TMEM158: variants seen among roughly 807,000 people sequenced by gnomAD.
TMEM158 encodes the protein 40 kDa BINP-binding protein.
In TMEM158, 7 loss-of-function variants were observed where a neutral mutation model predicts 12.0. That is an observed-to-expected ratio of 0.59 (90% CI 0.33 to 1.10). The LOEUF (loss-of-function observed/expected upper bound fraction) is 1.10, where lower values mean the gene tolerates loss of function less well. Among genes scored for constraint, TMEM158 ranks in the 50% least tolerant of loss-of-function variants. The pLI is 0.03. For missense variants in TMEM158, 405 were observed against 454.7 expected (o/e 0.89, Z 0.99); for synonymous variants, 209 against 231.1 (o/e 0.90, Z 0.87).
chr3:45,225,477 G>T lies in TMEM158; in HGVS notation c.551C>A (p.Pro184Gln). ...TALPAYPAAEPPGPLWLQGEP... is the reference protein window; with the variant it reads ...TALPAYPAAEQPGPLWLQGEP... Reference sequence around the variant, plus strand: ...GCCCTGCAGCCACAGCGGCCCGGGCGGCTCGGCCGCGGGGTAGGCTGGCAG... The same window carrying T: ...GCCCTGCAGCCACAGCGGCCCGGGCTGCTCGGCCGCGGGGTAGGCTGGCAG... Residue 184 changes from proline (P) to glutamine (Q), a missense_variant, in exon 1 of 1, where the codon CCG becomes CAG. Coordinates refer to ENST00000503771, the MANE Select transcript of TMEM158 (RefSeq NM_015444.3). The surrounding 1 kb of genome is among the most constrained non-coding windows in gnomAD (Gnocchi z 5.7). The T allele has an allele frequency of 6.2e-6, 8 of 1,286,332 alleles. No homozygotes were observed. The highest frequency in any genetic ancestry group is 8.0e-6 in the Non-Finnish European group (8 of 998,656). 79.7% of individuals were successfully genotyped at this position (1,286,332 alleles called of 1,614,324 possible). A position where few individuals can be genotyped will look rare whatever the true frequency, so the allele number is the denominator to read the frequency against.
In TMEM158 at chr3:45,225,689, G is replaced by A. The variant is rs761740655; in HGVS notation, c.339C>T (p.Phe113=). 6.2e-6 allele frequency: 9 copies of A among 1,460,462 alleles called. No homozygotes were observed. The highest frequency in any genetic ancestry group is 5.1e-5 in the South Asian group (4 of 78,054). The allele number at this position is 1,460,462 out of a possible 1,614,324, so 90.5% of individuals were successfully genotyped here. A position where few individuals can be genotyped will look rare whatever the true frequency, so the allele number is the denominator to read the frequency against. ...GCCCGACGCGGTGGAAGGCGGCGGC[G>A]AAGAAAGCGCGGCCGTGCGCGTTGG... is the stretch of plus-strand genomic sequence containing the variant. ...FSTNAHGRAF[F]AAAFHRVGPP... The change falls in exon 1 of 1, where the codon TTC becomes TTT. Residue 113 remains phenylalanine, a synonymous_variant. Transcript: ENST00000503771. This position sits in a 1 kb window ranked among gnomAD's most constrained non-coding sequence, Gnocchi z 5.7.
Position 45,226,240 on chromosome 3 carries a change from T to G in TMEM158, c.-213A>C. ...CCTCCAGACCCGGTTGCGTTTGGGG[T>G]TCCCCGCCGCCCCCGGCGCCGGGGC... On this transcript the variant is annotated 5_prime_UTR_variant, in exon 1 of 1. Coordinates refer to ENST00000503771, the MANE Select transcript of TMEM158 (RefSeq NM_015444.3). 11 of 454,518 alleles carry G rather than the reference T, an allele frequency of 2.4e-5. No individual in the cohort carries two copies. The highest frequency in any genetic ancestry group is 4.3e-5 in the African/African-American group (2 of 46,508). The allele number at this position is 454,518 out of a possible 1,614,324, so 28.2% of individuals were successfully genotyped here. A position where few individuals can be genotyped will look rare whatever the true frequency, so the allele number is the denominator to read the frequency against.
In TMEM158 at chr3:45,225,847, G is replaced by T; in HGVS notation, c.181C>A (p.Arg61Ser). Residue 61 changes from arginine (R) to serine (S), a missense_variant, in exon 1 of 1, where the codon CGC becomes AGC. Transcript: ENST00000503771. The surrounding 1 kb of genome is among the most constrained non-coding windows in gnomAD (Gnocchi z 5.7). Reference protein sequence around the residue: ...LASAAPGPPERPGPEEAAAAA... With the variant: ...LASAAPGPPESPGPEEAAAAA... The stretch of plus-strand genomic sequence containing the variant: ...GCCGCCGCCTCCTCCGGGCCCGGGC[G>T]CTCGGGGGGCCCGGGGGCCGCCGAG... 1 of 1,243,360 alleles carries T rather than the reference G, an allele frequency of 8.0e-7. No individual in the cohort carries two copies. 77.0% of individuals were successfully genotyped at this position (1,243,360 alleles called of 1,614,324 possible). A position where few individuals can be genotyped will look rare whatever the true frequency, so the allele number is the denominator to read the frequency against.
chr3:45,225,891 A>T lies in TMEM158; in HGVS notation c.137T>A (p.Ile46Asn). 1 of 1,187,188 alleles carries T rather than the reference A, an allele frequency of 8.4e-7. No individual in the cohort carries two copies. The highest frequency in any genetic ancestry group is 1.0e-6 in the Non-Finnish European group (1 of 963,518). 73.5% of individuals were successfully genotyped at this position (1,187,188 alleles called of 1,614,324 possible). The change falls in exon 1 of 1, where the codon ATC becomes AAC. Residue 46 changes from isoleucine to asparagine, a missense_variant. Physicochemically the swap from Ile to Asn is moderately radical, Grantham distance 149. Transcript: ENST00000503771. This position sits in a 1 kb window ranked among gnomAD's most constrained non-coding sequence, Gnocchi z 5.7. ...CGCCGAGGCCAGCAGCCGCGGGGCG[A>T]TGGGCTCGTCCGCGGAGGACGCGTT... ...SVNASSADEPIAPRLLASAAP... is the reference protein window; with the variant it reads ...SVNASSADEPNAPRLLASAAP...
At position 45,224,731 on chromosome 3, in the gene TMEM158, AT is replaced by A. The variant is rs558554175; in HGVS notation, c.*393del. Reference sequence around the variant, plus strand: ...TAGCAATTTAATCTTTTTGTTTTGTATTTTTTTTACTAAAACTTTCATTTAA... The same window carrying A: ...TAGCAATTTAATCTTTTTGTTTTGTATTTTTTTACTAAAACTTTCATTTAA... On this transcript the variant is annotated 3_prime_UTR_variant, in exon 1 of 1. Coordinates refer to ENST00000503771, the MANE Select transcript of TMEM158 (RefSeq NM_015444.3). 18 of 168,042 alleles carry A rather than the reference AT, an allele frequency of 1.1e-4. No individual in the cohort carries two copies. The highest frequency in any genetic ancestry group is 1.7e-4 in the East Asian group (1 of 5,954). The allele number at this position is 168,042 out of a possible 1,614,324, so 10.4% of individuals were successfully genotyped here.
In TMEM158 at chr3:45,225,206, G is replaced by A. The variant is rs1205382605; in HGVS notation, c.822C>T (p.Pro274=). 1.5e-6 allele frequency: 2 copies of A among 1,291,054 alleles called. No homozygotes were observed. Among genetic ancestry groups the A allele is most frequent in the Admixed American group, 3.5e-5 (1 of 28,634 alleles). The allele number at this position is 1,291,054 out of a possible 1,614,324, so 80.0% of individuals were successfully genotyped here. The change falls in exon 1 of 1, where the codon CCC becomes CCT. Residue 274 remains proline (P), a synonymous_variant. Transcript: ENST00000503771. The surrounding 1 kb of genome is among the most constrained non-coding windows in gnomAD (Gnocchi z 5.7). ...STTAATPAAV[P]AGTTAAAAAA... ...CGGCGGCGGCTGCGGTGGTCCCTGC[G>A]GGCACTGCGGCGGGGGTGGCTGCGG...
In TMEM158 at chr3:45,225,923, A is replaced by C. The variant is rs1700155395; in HGVS notation, c.105T>G (p.Ala35=). Residue 35 remains alanine (A), a synonymous_variant, in exon 1 of 1, where the codon GCT becomes GCG. Coordinates refer to ENST00000503771, the MANE Select transcript of TMEM158 (RefSeq NM_015444.3). This position sits in a 1 kb window ranked among gnomAD's most constrained non-coding sequence, Gnocchi z 5.7. The stretch of plus-strand genomic sequence containing the variant: ...CGTCCGCGGAGGACGCGTTGACTGA[A>C]GCATTGGAGGGCACCCCGAGGAGGC... The part of the protein sequence containing the change: ...APGLLGVPSN[A]SVNASSADEP... The C allele has an allele frequency of 1.7e-6, 2 of 1,170,544 alleles. No individual in the cohort carries two copies. Among genetic ancestry groups the C allele is most frequent in the African/African-American group, 3.3e-5 (2 of 59,866 alleles). The allele number at this position is 1,170,544 out of a possible 1,614,324, so 72.5% of individuals were successfully genotyped here. A position where few individuals can be genotyped will look rare whatever the true frequency, so the allele number is the denominator to read the frequency against.
Position 45,225,636 on chromosome 3 carries a change from A to C in TMEM158, c.392T>G (p.Leu131Arg). Residue 131 changes from leucine (L) to arginine (R), a missense_variant, in exon 1 of 1, where the codon CTG becomes CGG. Leu to Arg is a moderately radical substitution (Grantham distance 102, BLOSUM62 -2). Transcript: ENST00000503771. The surrounding 1 kb of genome is among the most constrained non-coding windows in gnomAD (Gnocchi z 5.7). Reference protein sequence around the residue: ...GPPLLIEHLGLAAGGAQQDLR... With the variant: ...GPPLLIEHLGRAAGGAQQDLR... ...GTCCTGCTGCGCGCCGCCCGCCGCC[A>C]GCCCCAGGTGCTCGATGAGCAGCGG... 7.1e-7 allele frequency: 1 copy of C among 1,415,376 alleles called. No homozygotes were observed. Among genetic ancestry groups the C allele is most frequent in the South Asian group, 1.3e-5 (1 of 74,206 alleles). The allele number at this position is 1,415,376 out of a possible 1,614,324, so 87.7% of individuals were successfully genotyped here. A position where few individuals can be genotyped will look rare whatever the true frequency, so the allele number is the denominator to read the frequency against.
Position 45,225,508 on chromosome 3 carries a change from T to C in TMEM158, c.520A>G (p.Thr174Ala). ...GCCGCGGGGTAGGCTGGCAGCGCGG[T>C]GGGCGCCCCGGCGGTGGCGGCGGCG... ...SAAAATAGAP[T>A]ALPAYPAAEP... Residue 174 changes from threonine (T) to alanine (A), a missense_variant, in exon 1 of 1, where the codon ACC becomes GCC. Coordinates refer to ENST00000503771, the MANE Select transcript of TMEM158 (RefSeq NM_015444.3). This position sits in a 1 kb window ranked among gnomAD's most constrained non-coding sequence, Gnocchi z 5.7. 1.7e-6 allele frequency: 2 copies of C among 1,163,524 alleles called. No homozygotes were observed. Among genetic ancestry groups the C allele is most frequent in the South Asian group, 8.5e-5 (2 of 23,546 alleles). The allele number at this position is 1,163,524 out of a possible 1,614,324, so 72.1% of individuals were successfully genotyped here.
In TMEM158 at chr3:45,225,452, G is replaced by A. The variant is rs998957305; in HGVS notation, c.576C>T (p.Gly192=). ...CTAGGCAGCAGAAATGCAGCGGCTC[G>A]CCCTGCAGCCACAGCGGCCCGGGCG... The part of the protein sequence containing the change: ...AEPPGPLWLQ[G]EPLHFCCLDF... Residue 192 remains glycine, a synonymous_variant, in exon 1 of 1, where the codon GGC becomes GGT. Coordinates refer to ENST00000503771, the MANE Select transcript of TMEM158 (RefSeq NM_015444.3). The surrounding 1 kb of genome is among the most constrained non-coding windows in gnomAD (Gnocchi z 5.7). 2 of 1,362,652 alleles carry A rather than the reference G, an allele frequency of 1.5e-6. No homozygotes were observed. The highest frequency in any genetic ancestry group is 1.8e-5 in the South Asian group (1 of 55,324). 84.4% of individuals were successfully genotyped at this position (1,362,652 alleles called of 1,614,324 possible). A position where few individuals can be genotyped will look rare whatever the true frequency, so the allele number is the denominator to read the frequency against.
rs1476564369 is a variant in TMEM158, at chr3:45,226,049, C to T, written c.-22G>A. 1 of 987,094 alleles carries T rather than the reference C, an allele frequency of 1.0e-6. No individual in the cohort carries two copies. The highest frequency in any genetic ancestry group is 1.2e-6 in the Non-Finnish European group (1 of 832,638). 61.1% of individuals were successfully genotyped at this position (987,094 alleles called of 1,614,324 possible). A position where few individuals can be genotyped will look rare whatever the true frequency, so the allele number is the denominator to read the frequency against. The stretch of plus-strand genomic sequence containing the variant: ...GCATGGCCTGCGGCGGGCGCCTACG[C>T]GCGCGAGGCCGGCGGCGGTTGCATG... On this transcript the variant is annotated 5_prime_UTR_variant, in exon 1 of 1. Coordinates refer to ENST00000503771, the MANE Select transcript of TMEM158 (RefSeq NM_015444.3).
At position 45,225,579 on chromosome 3, in the gene TMEM158, C is replaced by G; in HGVS notation, c.449G>C (p.Arg150Pro). 8.7e-7 allele frequency: 1 copy of G among 1,151,602 alleles called. No individual in the cohort carries two copies. Among genetic ancestry groups the G allele is most frequent in the Non-Finnish European group, 1.1e-6 (1 of 938,372 alleles). 71.3% of individuals were successfully genotyped at this position (1,151,602 alleles called of 1,614,324 possible). A position where few individuals can be genotyped will look rare whatever the true frequency, so the allele number is the denominator to read the frequency against. The change falls in exon 1 of 1, where the codon CGC becomes CCC. Residue 150 changes from arginine to proline, a missense_variant. By Grantham distance (103) the Arg-to-Pro change is moderately radical. Coordinates refer to ENST00000503771, the MANE Select transcript of TMEM158 (RefSeq NM_015444.3). This position sits in a 1 kb window ranked among gnomAD's most constrained non-coding sequence, Gnocchi z 5.7. ...LRLCVGCGWV[R>P]GRRTGRLRPA... ...CCGGAGGCGGCCGGTGCGGCGACCG[C>G]GCACCCAGCCGCAGCCCACGCAGAG...
At position 45,225,502 on chromosome 3, in the gene TMEM158, G is replaced by A; in HGVS notation, c.526C>T (p.Leu176=). ...AAATAGAPTA[L]PAYPAAEPPG... ...GGCTCGGCCGCGGGGTAGGCTGGCA[G>A]CGCGGTGGGCGCCCCGGCGGTGGCG... The change falls in exon 1 of 1, where the codon CTG becomes TTG. Residue 176 remains leucine, a synonymous_variant. Transcript: ENST00000503771. This position sits in a 1 kb window ranked among gnomAD's most constrained non-coding sequence, Gnocchi z 5.7. 8.5e-7 allele frequency: 1 copy of A among 1,179,216 alleles called. No individual in the cohort carries two copies. Among genetic ancestry groups the A allele is most frequent in the South Asian group, 4.2e-5 (1 of 23,840 alleles). The allele number at this position is 1,179,216 out of a possible 1,614,324, so 73.0% of individuals were successfully genotyped here. A position where few individuals can be genotyped will look rare whatever the true frequency, so the allele number is the denominator to read the frequency against.
In TMEM158 at chr3:45,225,767, G is replaced by C; in HGVS notation, c.261C>G (p.Leu87=). The change falls in exon 1 of 1, where the codon CTC becomes CTG. Residue 87 remains leucine (L), a synonymous_variant. Transcript: ENST00000503771. The surrounding 1 kb of genome is among the most constrained non-coding windows in gnomAD (Gnocchi z 5.7). ...AGCCCCGCGGGCGGCCCCAGCGCAC[G>C]AGCAGCGAGCTCAGCATCTGCCGCT... ...SVQRQMLSSL[L]VRWGRPRGFQ... 1 of 1,426,718 alleles carries C rather than the reference G, an allele frequency of 7.0e-7. No individual in the cohort carries two copies. Among genetic ancestry groups the C allele is most frequent in the Non-Finnish European group, 9.2e-7 (1 of 1,084,668 alleles). The allele number at this position is 1,426,718 out of a possible 1,614,324, so 88.4% of individuals were successfully genotyped here.
Position 45,225,774 on chromosome 3 carries a change from G to A in TMEM158, c.254C>T (p.Ser85Leu). 1 of 1,423,496 alleles carries A rather than the reference G, an allele frequency of 7.0e-7. No homozygotes were observed. The highest frequency in any genetic ancestry group is 9.2e-7 in the Non-Finnish European group (1 of 1,083,248). The allele number at this position is 1,423,496 out of a possible 1,614,324, so 88.2% of individuals were successfully genotyped here. Residue 85 changes from serine to leucine, a missense_variant, in exon 1 of 1, where the codon TCG (serine) becomes TTG (leucine). Transcript: ENST00000503771. The surrounding 1 kb of genome is among the most constrained non-coding windows in gnomAD (Gnocchi z 5.7). ...NISVQRQMLS[S>L]LLVRWGRPRG... The stretch of plus-strand genomic sequence containing the variant: ...CGGGCGGCCCCAGCGCACGAGCAGC[G>A]AGCTCAGCATCTGCCGCTGCACGCT...
Position 45,225,604 on chromosome 3 carries a change from G to A in TMEM158, c.424C>T (p.Leu142Phe). 1 of 1,320,214 alleles carries A rather than the reference G, an allele frequency of 7.6e-7. No individual in the cohort carries two copies. Among genetic ancestry groups the A allele is most frequent in the Non-Finnish European group, 9.7e-7 (1 of 1,030,708 alleles). 81.8% of individuals were successfully genotyped at this position (1,320,214 alleles called of 1,614,324 possible). ...AAGGAQQDLR[L>F]CVGCGWVRGR... ...CGCACCCAGCCGCAGCCCACGCAGA[G>A]GCGCAGGTCCTGCTGCGCGCCGCCC... Residue 142 changes from leucine (L) to phenylalanine (F), a missense_variant, in exon 1 of 1, where the codon CTC becomes TTC. Physicochemically the swap from Leu to Phe is conservative, Grantham distance 22. Transcript: ENST00000503771. The surrounding 1 kb of genome is among the most constrained non-coding windows in gnomAD (Gnocchi z 5.7).
In TMEM158 at chr3:45,225,840, C is replaced by A. The variant is rs1173225338; in HGVS notation, c.188G>T (p.Gly63Val). 8.0e-7 allele frequency: 1 copy of A among 1,251,600 alleles called. No individual in the cohort carries two copies. The highest frequency in any genetic ancestry group is 1.0e-6 in the Non-Finnish European group (1 of 1,001,134). The allele number at this position is 1,251,600 out of a possible 1,614,324, so 77.5% of individuals were successfully genotyped here. A position where few individuals can be genotyped will look rare whatever the true frequency, so the allele number is the denominator to read the frequency against. Residue 63 changes from glycine (G) to valine (V), a missense_variant, in exon 1 of 1, where the codon GGC (glycine) becomes GTC (valine). Physicochemically the swap from Gly to Val is moderately radical, Grantham distance 109 (BLOSUM62 -3). Coordinates refer to ENST00000503771, the MANE Select transcript of TMEM158 (RefSeq NM_015444.3). This position sits in a 1 kb window ranked among gnomAD's most constrained non-coding sequence, Gnocchi z 5.7. ...SAAPGPPERP[G>V]PEEAAAAAAP... Reference sequence around the variant, plus strand: ...CGCCGCCGCCGCCGCCTCCTCCGGGCCCGGGCGCTCGGGGGGCCCGGGGGC... The same window carrying A: ...CGCCGCCGCCGCCGCCTCCTCCGGGACCGGGCGCTCGGGGGGCCCGGGGGC...
rs1194702876 is a variant in TMEM158 at position 45,225,827 on chromosome 3, C to A, written c.201G>T (p.Ala67=). 1.5e-6 allele frequency: 2 copies of A among 1,292,376 alleles called. No homozygotes were observed. Among genetic ancestry groups the A allele is most frequent in the Non-Finnish European group, 2.0e-6 (2 of 1,019,808 alleles). The allele number at this position is 1,292,376 out of a possible 1,614,324, so 80.1% of individuals were successfully genotyped here. ...TGTTGCACGGCGCCGCCGCCGCCGC[C>A]GCCTCCTCCGGGCCCGGGCGCTCGG... ...GPPERPGPEE[A]AAAAAPCNIS... is the part of the protein sequence containing the mutation. Residue 67 remains alanine, a synonymous_variant, in exon 1 of 1, where the codon GCG becomes GCT. Transcript: ENST00000503771. This position sits in a 1 kb window ranked among gnomAD's most constrained non-coding sequence, Gnocchi z 5.7.
Position 45,224,492 on chromosome 3 carries a change from C to T in TMEM158, c.*633G>A, listed in dbSNP as rs1467132969. The stretch of plus-strand genomic sequence containing the variant: ...GGAGGAAAATGTCTGTATTAAAAGC[C>T]AAAAAACCACATAAGTACAAGAAGA... On this transcript the variant is annotated 3_prime_UTR_variant, in exon 1 of 1. Coordinates refer to ENST00000503771, the MANE Select transcript of TMEM158 (RefSeq NM_015444.3). 2 of 152,464 alleles carry T rather than the reference C, an allele frequency of 1.3e-5. No homozygotes were observed. Among genetic ancestry groups the T allele is most frequent in the Non-Finnish European group, 2.9e-5 (2 of 68,012 alleles). 9.4% of individuals were successfully genotyped at this position (152,464 alleles called of 1,614,324 possible).
Sources: allele counts gnomAD v4.1 joint callset, GRCh38; gene constraint gnomAD v4.1.1; non-coding constraint Gnocchi (gnomAD v3.1); transcripts MANE v1.5; gene names NCBI Gene and HGNC (gene_info 2026-07-23, HGNC 2026-07-21).